Variants in MYH11 observed in about 807,000 individuals in gnomAD.
MYH11 encodes myosin heavy chain 11.
MYH11 carries 80 observed loss-of-function variants against 246.6 expected under a neutral mutation model. The ratio of observed to expected loss-of-function variants is 0.32; its 90% confidence interval spans 0.27 to 0.39. MYH11 has a LOEUF of 0.39. MYH11 is among the 10% of genes least tolerant of loss of function. The probability of loss-of-function intolerance (pLI) is 1.00; values close to 1 mark genes in which losing one functional copy is unlikely to be tolerated. For synonymous variants in MYH11, 1,071 were observed against 1,015.5 expected, an observed-to-expected ratio of 1.05 and a Z score of -1.04; for missense variants, 2,158 against 2,546.8, an observed-to-expected ratio of 0.85 and a Z score of 3.29.
chr16:15,775,427 GCCTGAGCTCACTGGTTTATGTGTTGC>G (rs2042198665), intron 8 of MYH11, among the ~76,000 whole-genome samples: 2 of 412 alleles, frequency 4.9e-3, no homozygotes, highest in Non-Finnish European at 9.7e-3. Flanking sequence ...TTTATGTGTT[GCCTGAGCTCACTGGTTTATGTGTTGC>G]CTGAGCTCAC....
rs754636432 is a variant in MYH11, at chr16:15,759,676, C to A, written c.1301G>T (p.Arg434Leu). Residue 434 changes from arginine (R) to leucine (L), a missense_variant, in exon 12 of 41, where the codon CGC becomes CTC. By Grantham distance (102) the Arg-to-Leu change is moderately radical. Transcript: ENST00000300036. ...LAKATYERLFRWILTRVNKAL... is the reference protein window; with the variant it reads ...LAKATYERLFLWILTRVNKAL... ...TTTGTTCACGCGGGTGAGTATCCAGCGGAAAAGGCGCTCATATGTTGCCTT... is the reference window on the plus strand; with the variant it reads ...TTTGTTCACGCGGGTGAGTATCCAGAGGAAAAGGCGCTCATATGTTGCCTT... The A allele has an allele frequency of 8.7e-6, 14 of 1,614,060 alleles. No individual in the cohort carries two copies. Among genetic ancestry groups the A allele is most frequent in the Non-Finnish European group, 1.2e-5 (14 of 1,180,046 alleles).
At chr16:15,840,127 A>G (rs1032317771) in intron 1 of MYH11, among the ~76,000 whole-genome samples, 1 of 152,172 alleles carries the variant, frequency 6.6e-6, no homozygotes, top group Non-Finnish European at 1.5e-5. Flanking sequence ...GGTACATAAG[A>G]GGTAAGAGGC....
At chr16:15,771,739 G>T (rs747268799) in intron 8 of MYH11, 27 bp from the exon 9 acceptor site, 1 of 1,613,850 alleles carries the variant, frequency 6.2e-7, no homozygotes, top group Non-Finnish European at 8.5e-7. Context: ...ACAGGTCAGG[G>T]TCAATAAGAC....
In MYH11 at chr16:15,704,026, C is replaced by T. The variant is rs1207603681; in HGVS notation, c.5884G>A (p.Asp1962Asn). Residue 1962 changes from aspartate (D) to asparagine (N), a missense_variant, in exon 41 of 41, where the codon GAC (aspartate) becomes AAC (asparagine). Asp to Asn is a conservative substitution (Grantham distance 23). Around this residue, in one of 11 missense-constraint regions of MYH11, gnomAD observed 1,013 missense variants for 993.5 expected, o/e 1.02. Transcript: ENST00000300036. ...DGSEEETDTRDADFNGTKASE is the reference protein window; with the variant it reads ...DGSEEETDTRNADFNGTKASE ...GCCTTGGTTCCATTGAAGTCTGCGTCTCGAGTGTCCGTTTCCTCCTCAGAA... is the reference window on the plus strand; with the variant it reads ...GCCTTGGTTCCATTGAAGTCTGCGTTTCGAGTGTCCGTTTCCTCCTCAGAA... 8 of 1,614,076 alleles carry T rather than the reference C, an allele frequency of 5.0e-6. No homozygotes were observed. Among genetic ancestry groups the T allele is most frequent in the Middle Eastern group, 3.3e-4 (2 of 6,062 alleles).
In MYH11 at chr16:15,707,084, G is replaced by A. The variant is rs576371172; in HGVS notation, c.5787-2961C>T. On this transcript the variant is annotated intron_variant, in intron 40 of 40. Transcript: ENST00000300036. The stretch of plus-strand genomic sequence containing the variant: ...AATAGAGTCTCGCTGTGTTGCCCAG[G>A]CTGGAGTGCAGTGGCGTGATCTTGG... 2.6e-5 allele frequency among the ~76,000 whole-genome samples: 4 copies of A among 152,230 alleles called. No homozygotes were observed. In the South Asian group the frequency reaches 8.3e-4, roughly 32 times the overall value.
At chr16:15,800,598 T>G (rs2151324647) in intron 3 of MYH11, among the ~76,000 whole-genome samples, 1 of 57,660 alleles carries the variant, frequency 1.7e-5, no homozygotes, top group South Asian at 5.2e-4. Context: ...GTAAATGAGT[T>G]GGATGGATGG....
At chr16:15,776,759 G>A (rs918223385) in intron 7 of MYH11, among the ~76,000 whole-genome samples, 5 of 152,198 alleles carry the variant, frequency 3.3e-5, no homozygotes, top group Admixed American at 2.0e-4. Flanking sequence ...GGATGGAGGC[G>A]AGAGAGACCG....
At chr16:15,832,681 A>C (rs1402191493) in intron 2 of MYH11, among the ~76,000 whole-genome samples, 1 of 152,164 alleles carries the variant, frequency 6.6e-6, no homozygotes, top group African/African-American at 2.4e-5. Context: ...GTGCTCAAGG[A>C]ATCATAATAA....
chr16:15,800,075 G>A lies in MYH11; in HGVS notation c.503-1388C>T, dbSNP rs142236302. On this transcript the variant is annotated intron_variant, in intron 3 of 40. Transcript: ENST00000300036. ...AGATGGACGGGAGGGTGGATAAGCAGATGAGTAGGTGAGTAGGTGGGTGGG... is the reference window on the plus strand; with the variant it reads ...AGATGGACGGGAGGGTGGATAAGCAAATGAGTAGGTGAGTAGGTGGGTGGG... Among the ~76,000 whole-genome samples the A allele has an allele frequency of 1.4e-3, 213 of 151,622 alleles. 1 individual carries two copies. The highest frequency in any genetic ancestry group is 0.014 in the Middle Eastern group (4 of 294).
chr16:15,801,544 C>T (rs1240497323), intron 3 of MYH11, among the ~76,000 whole-genome samples: 1 of 151,652 alleles, frequency 6.6e-6, no homozygotes, highest in Admixed American at 6.6e-5. Flanking sequence ...ACCCCTTGTC[C>T]CAGCTACTTG....
chr16:15,719,353 A>G lies in MYH11; in HGVS notation c.5083-45T>C, dbSNP rs757200590. 17 of 1,592,676 alleles carry G rather than the reference A, an allele frequency of 1.1e-5. No individual in the cohort carries two copies. The East Asian group carries it at 1.1e-4, about 10-fold the overall frequency. ...GCTGTTGTCTGCCAGGGAAAGGCCA[A>G]GCCCCACCAAGAGTCCACCCTGACA... On this transcript the variant is annotated intron_variant, in intron 35 of 40. Transcript: ENST00000300036.
At chr16:15,760,741 T>C in intron 10 of MYH11, 83 bp from the exon 11 acceptor site, 2 of 969,138 alleles carry the variant, frequency 2.1e-6, no homozygotes, top group South Asian at 2.6e-5. Flanking sequence ...ATATTTGTGA[T>C]CTGTGAATAC....
rs8047606 is a variant in MYH11, at chr16:15,793,502, A to T, written c.530+5158T>A. ...GTAATGGGGTCTTACTGTGTTCCTC[A>T]GTTTGGTCTCAAACTTCTGGCTTCC... is the stretch of plus-strand genomic sequence containing the variant. On this transcript the variant is annotated intron_variant, in intron 4 of 40. Transcript: ENST00000300036. 4.2e-3 allele frequency among the ~76,000 whole-genome samples: 638 copies of T among 151,470 alleles called. 5 individuals are homozygous for T. The highest frequency in any genetic ancestry group is 0.015 in the African/African-American group (607 of 41,234).
intron 9 of MYH11, among the ~76,000 whole-genome samples, chr16:15,766,531 C>G (rs2041988217): frequency 6.6e-6 from 1 of 151,934 alleles, no homozygotes; most frequent in Non-Finnish European, 1.5e-5. Context: ...GCCACCACAC[C>G]CGGCTAATTT....
intron 3 of MYH11, 123 bp downstream of exon 3, chr16:15,823,132 G>T: frequency 7.3e-7 from 1 of 1,378,882 alleles, no homozygotes; most frequent in Admixed American, 1.9e-5. Flanking sequence ...CCCTTTTTCA[G>T]CCACAGTAAC....
intron 40 of MYH11, among the ~76,000 whole-genome samples, chr16:15,707,855 C>T (rs927380706): frequency 6.6e-6 from 1 of 151,610 alleles, no homozygotes; most frequent in Non-Finnish European, 1.5e-5. Flanking sequence ...GCCTGTAATC[C>T]CAGCTACTCA....
In MYH11 at chr16:15,800,597, T is replaced by TTGGATGGA. The variant is rs138132973; in HGVS notation, c.503-1918_503-1911dup. On this transcript the variant is annotated intron_variant, in intron 3 of 40. Coordinates refer to ENST00000300036, the MANE Select transcript of MYH11 (RefSeq NM_002474.3). ...CAGAGTGTATAGGCCGGTAAATGAGTTGGATGGATGGATGGATGGATGGAT... is the reference window on the plus strand; with the variant it reads ...CAGAGTGTATAGGCCGGTAAATGAGTTGGATGGATGGATGGATGGATGGATGGATGGAT... Among the ~76,000 whole-genome samples the TTGGATGGA allele has an allele frequency of 6.6e-3, 951 of 143,188 alleles. 5 individuals are homozygous for TTGGATGGA. The highest frequency in any genetic ancestry group is 0.014 in the African/African-American group (552 of 38,244). The allele number at this position is 143,188 out of a possible 152,430, so 93.9% of individuals were successfully genotyped here. A position where few individuals can be genotyped will look rare whatever the true frequency, so the allele number is the denominator to read the frequency against.
chr16:15,730,904 G>A lies in MYH11; in HGVS notation c.3651+1660C>T, dbSNP rs536220874. Among the ~76,000 whole-genome samples, 75 of 152,290 alleles carry A rather than the reference G, an allele frequency of 4.9e-4. 3 individuals carry two copies. The South Asian group carries it at 0.011, about 21-fold the overall frequency. ...ATACACCGCAAAGAGTTCCAACAAC[G>A]GGAGAGTGATTTGACCTAGTCATTC... On this transcript the variant is annotated intron_variant, in intron 27 of 40. Transcript: ENST00000300036.
chr16:15,834,105 G>A (rs981441874), intron 2 of MYH11, among the ~76,000 whole-genome samples: 2 of 152,044 alleles, frequency 1.3e-5, no homozygotes, highest in African/African-American at 4.8e-5. Flanking sequence ...GAGGACAGCA[G>A]GTGAGATGAA....
Sources: allele counts gnomAD v4.1 joint callset (sites outside exome capture counted in the v4.1 genomes callset), GRCh38; gene constraint gnomAD v4.1.1; regional missense constraint gnomAD v4.1.1; transcripts MANE v1.5; gene names NCBI Gene and HGNC (gene_info 2026-07-23, HGNC 2026-07-21).